LINS1: variants seen among roughly 807,000 people sequenced by gnomAD.
LINS1 encodes protein Lines homolog 1.
Under a neutral mutation model 41.6 loss-of-function variants are expected in LINS1, and 27 were observed. The observed-to-expected ratio is 0.65, with a 90% CI of 0.48 to 0.89. LINS1 has a LOEUF of 0.89. Ranked by LOEUF, LINS1 falls within the 40% of genes least tolerant of loss-of-function variation. The pLI, the probability that LINS1 is intolerant of heterozygous loss-of-function variation, is 0.00. For missense variants in LINS1, 955 were observed against 884.1 expected, an observed-to-expected ratio of 1.08 and a Z score of -1.02; for synonymous variants, 336 against 312.9, an observed-to-expected ratio of 1.07 and a Z score of -0.78.
At chr15:100,582,445 A>G (rs529910600) in intron 1 of LINS1, among the ~76,000 whole-genome samples, 10 of 123,430 alleles carry the variant, frequency 8.1e-5, no homozygotes, top group African/African-American at 3.2e-4. Flanking sequence ...TGGGTCTTCC[A>G]TCTACACTAT....
chr15:100,569,289 C>T lies in LINS1; in HGVS notation c.2223G>A (p.Lys741=), dbSNP rs773128806. ...TTATCACCTCTATGTATTTTAACAA[C>T]TTCAAAAGTGCAGTTGGATTATATG... ...LFPYNPTALL[K]LLKYIEVISN... Residue 741 remains lysine (K), a synonymous_variant, in exon 7 of 7, where the codon AAG becomes AAA. Transcript: ENST00000314742. The T allele has an allele frequency of 1.2e-6, 2 of 1,611,440 alleles. No individual in the cohort carries two copies. The highest frequency in any genetic ancestry group is 4.5e-5 in the East Asian group (2 of 44,880).
chr15:100,601,242 A>G (rs2039479691), intron 1 of LINS1, among the ~76,000 whole-genome samples: 1 of 152,176 alleles, frequency 6.6e-6, no homozygotes. Context: ...TCGGTAATTT[A>G]TAAAGAAAAG....
chr15:100,590,853 C>G (rs1349657097), intron 1 of LINS1, among the ~76,000 whole-genome samples: 1 of 152,130 alleles, frequency 6.6e-6, no homozygotes, highest in African/African-American at 2.4e-5. Context: ...AAGCATACTC[C>G]AAACTCTTGG....
rs2038007830 is a variant in LINS1, at chr15:100,574,034, G to A, written c.839C>T (p.Pro280Leu). 1 of 1,613,948 alleles carries A rather than the reference G, an allele frequency of 6.2e-7. No homozygotes were observed. The highest frequency in any genetic ancestry group is 8.5e-7 in the Non-Finnish European group (1 of 1,179,862). ...FTCQRILFLK[P>L]SCMLEVITWP... ...GGTAATAACTTCTAGCATGCAAGAT[G>A]GTTTCAAAAATAAAATCCTCTGGCA... Residue 280 changes from proline to leucine, a missense_variant, in exon 5 of 7, where the codon CCA (proline) becomes CTA (leucine). Physicochemically the swap from Pro to Leu is moderately conservative, Grantham distance 98. Coordinates refer to ENST00000314742, the MANE Select transcript of LINS1 (RefSeq NM_001040616.3).
intron 1 of LINS1, among the ~76,000 whole-genome samples, chr15:100,581,917 G>A (rs1340538021): frequency 6.6e-6 from 1 of 152,166 alleles, no homozygotes; most frequent in Admixed American, 6.5e-5. Context: ...GGTTCCCTTA[G>A]TAATAAGGTA....
chr15:100,592,668 A>G (rs1291470581), intron 1 of LINS1, among the ~76,000 whole-genome samples: 1 of 152,234 alleles, frequency 6.6e-6, no homozygotes, highest in Non-Finnish European at 1.5e-5. Context: ...ACAAAAGGCC[A>G]TATATATACT....
rs1019723815 is a variant in LINS1, at chr15:100,586,200, T to G, written c.-103-5255A>C. On this transcript the variant is annotated intron_variant, in intron 1 of 6. Transcript: ENST00000314742. ...AAGGCTAATCAGAAACTCAAGAGAATGCAACTGTTTGTCTCTCACCTACCT... is the reference window on the plus strand; with the variant it reads ...AAGGCTAATCAGAAACTCAAGAGAAGGCAACTGTTTGTCTCTCACCTACCT... 8 of 152,258 alleles carry G rather than the reference T, an allele frequency of 5.3e-5. No individual in the cohort carries two copies. The East Asian group carries it at 1.5e-3, about 29-fold the overall frequency. The allele number at this position is 152,258 out of a possible 1,614,324, so 9.4% of individuals were successfully genotyped here.
At chr15:100,602,043 A>C (rs1266855480) in intron 1 of LINS1, 78 bp downstream of exon 1, 7 of 152,264 alleles carry the variant, frequency 4.6e-5, no homozygotes, top group Admixed American at 1.3e-4. Context: ...CCCAACCTTA[A>C]GCCCTGAACC....
chr15:100,596,012 A>G (rs1397803020), intron 1 of LINS1, among the ~76,000 whole-genome samples: 2 of 152,238 alleles, frequency 1.3e-5, no homozygotes, highest in African/African-American at 4.8e-5. Context: ...TTCCGACAGC[A>G]TGCCATGTGC....
Position 100,580,593 on chromosome 15 carries a change from C to G in LINS1, c.250G>C (p.Gly84Arg). ...VCLKTNSQMSGSREVMLLQLT... is the reference protein window; with the variant it reads ...VCLKTNSQMSRSREVMLLQLT... ...TGAAGGAGCATTACTTCTCTGGAAC[C>G]GCTCATCTGAGAGTTGGTCTTCAAA... Residue 84 changes from glycine (G) to arginine (R), a missense_variant, in exon 2 of 7, where the codon GGT (glycine) becomes CGT (arginine). Gly to Arg is a moderately radical substitution (Grantham distance 125). Coordinates refer to ENST00000314742, the MANE Select transcript of LINS1 (RefSeq NM_001040616.3). 1 of 1,613,988 alleles carries G rather than the reference C, an allele frequency of 6.2e-7. No homozygotes were observed. The highest frequency in any genetic ancestry group is 8.5e-7 in the Non-Finnish European group (1 of 1,179,948).
At chr15:100,592,708 C>A (rs1351524485) in intron 1 of LINS1, among the ~76,000 whole-genome samples, 1 of 152,138 alleles carries the variant, frequency 6.6e-6, no homozygotes, top group African/African-American at 2.4e-5. Flanking sequence ...TTGTTCTAGT[C>A]CCATAGGAAG....
At chr15:100,572,620 T>C (rs1393202179) in intron 5 of LINS1, 1 of 989,694 alleles carries the variant, frequency 1.0e-6, no homozygotes, top group Admixed American at 5.6e-5. Context: ...CTGCACAGAA[T>C]TATAACTAAT....
rs1004580917 is a variant in LINS1, at chr15:100,569,092, C to T, written c.*146G>A. The T allele has an allele frequency of 1.1e-5, 6 of 558,420 alleles. No individual in the cohort carries two copies. Among genetic ancestry groups the T allele is most frequent in the Non-Finnish European group, 1.5e-5 (5 of 330,624 alleles). The allele number at this position is 558,420 out of a possible 1,614,324, so 34.6% of individuals were successfully genotyped here. A position where few individuals can be genotyped will look rare whatever the true frequency, so the allele number is the denominator to read the frequency against. On this transcript the variant is annotated 3_prime_UTR_variant, in exon 7 of 7. Coordinates refer to ENST00000314742, the MANE Select transcript of LINS1 (RefSeq NM_001040616.3). The stretch of plus-strand genomic sequence containing the variant: ...TGAGTCGAGTCACGCCACTGCACTC[C>T]GGCCTGAGCGACAGAATGAGATTCT...
rs112761604 is a variant in LINS1, at chr15:100,582,654, T to C, written c.-103-1709A>G. On this transcript the variant is annotated intron_variant, in intron 1 of 6. Transcript: ENST00000314742. ...TACACTGGGTCTTCCATCTACACTA[T>C]GGCCCACTAGCCTAGTCTTGGTCTT... Among the ~76,000 whole-genome samples, 208 of 135,708 alleles carry C rather than the reference T, an allele frequency of 1.5e-3. 1 individual carries two copies. The highest frequency in any genetic ancestry group is 5.1e-3 in the African/African-American group (182 of 35,696). The allele number at this position is 135,708 out of a possible 152,430, so 89.0% of individuals were successfully genotyped here.
Position 100,574,126 on chromosome 15 carries a change from C to G in LINS1, c.747G>C (p.Leu249=), listed in dbSNP as rs766380683. The change falls in exon 5 of 7, where the codon CTG becomes CTC. Residue 249 remains leucine, a synonymous_variant. Transcript: ENST00000314742. ...CRDTSKIVNI[L]MCFLDLLELL... ...GCTCAAGCAAATCCAGGAAACACATCAGGATGTTTACTATTTTAGAAGTAT... is the reference window on the plus strand; with the variant it reads ...GCTCAAGCAAATCCAGGAAACACATGAGGATGTTTACTATTTTAGAAGTAT... 22 of 1,613,790 alleles carry G rather than the reference C, an allele frequency of 1.4e-5. No individual in the cohort carries two copies. Among genetic ancestry groups the G allele is most frequent in the Middle Eastern group, 1.6e-4 (1 of 6,062 alleles).
Position 100,580,771 on chromosome 15 carries a change from G to C in LINS1, c.72C>G (p.Asp24Glu). The C allele has an allele frequency of 1.2e-6, 2 of 1,609,828 alleles. No individual in the cohort carries two copies. Among genetic ancestry groups the C allele is most frequent in the South Asian group, 2.2e-5 (2 of 90,780 alleles). The change falls in exon 2 of 7, where the codon GAC becomes GAG. Residue 24 changes from aspartate to glutamate, a missense_variant. Asp to Glu is a conservative substitution (Grantham distance 45). Coordinates refer to ENST00000314742, the MANE Select transcript of LINS1 (RefSeq NM_001040616.3). ...TGAGATAAAAGATGTAATCATGGCT[G>C]TCATTTTCAAGTGTGGCTCCAAGAA... ...KVLLGATLENDSHDYIFYLNP... is the reference protein window; with the variant it reads ...KVLLGATLENESHDYIFYLNP...
intron 1 of LINS1, among the ~76,000 whole-genome samples, chr15:100,583,962 T>G (rs1158542730): frequency 6.6e-6 from 1 of 152,056 alleles, no homozygotes; most frequent in African/African-American, 2.4e-5. Context: ...CTATCACATG[T>G]TCAACTCTTT....
chr15:100,579,066 C>G (rs1196534293), intron 3 of LINS1, among the ~76,000 whole-genome samples: 1 of 151,864 alleles, frequency 6.6e-6, no homozygotes, highest in Non-Finnish European at 1.5e-5. Context: ...AGGAGATACA[C>G]CTAATGTAAA....
intron 1 of LINS1, 77 bp downstream of exon 1, chr15:100,602,044 G>A (rs1388274660): frequency 1.3e-5 from 2 of 152,302 alleles, no homozygotes; most frequent in East Asian, 3.9e-4. Context: ...CCAACCTTAA[G>A]CCCTGAACCA....
Sources: allele counts gnomAD v4.1 joint callset (sites outside exome capture counted in the v4.1 genomes callset), GRCh38; gene constraint gnomAD v4.1.1; transcripts MANE v1.5; gene names NCBI Gene and HGNC (gene_info 2026-07-23, HGNC 2026-07-21).